MPI: variants seen among roughly 807,000 people sequenced by gnomAD.
MPI encodes the protein mannose-6-phosphate isomerase.
In MPI, 33 loss-of-function variants were observed where a neutral mutation model predicts 40.1. The ratio of observed to expected loss-of-function variants is 0.82; its 90% CI spans 0.62 to 1.10. MPI has a LOEUF of 1.10. Ranked by LOEUF, MPI falls within the 50% of genes least tolerant of loss-of-function variation. The pLI is 0.00. For missense variants in MPI, 514 were observed against 524.1 expected, an observed-to-expected ratio of 0.98 and a Z score of 0.19; for synonymous variants, 187 against 207.4, an observed-to-expected ratio of 0.90 and a Z score of 0.85.
intron 2 of MPI, 31 bp from the exon 3 acceptor site, chr15:74,891,348 C>A: frequency 1.9e-6 from 3 of 1,608,788 alleles, no homozygotes; most frequent in East Asian, 2.2e-5. Flanking sequence ...GTTTCTTCCC[C>A]CTTCCCCTCC....
chr15:74,893,503 T>C (rs1454509790), intron 5 of MPI, 183 bp downstream of exon 5: 9 of 702,202 alleles, frequency 1.3e-5, no homozygotes, highest in East Asian at 8.1e-5. Context: ...GGGCCCTTCT[T>C]AGTTGAGTGC....
At chr15:74,896,457 TG>T in intron 6 of MPI, 132 bp downstream of exon 6, 1 of 1,024,324 alleles carries the variant, frequency 9.8e-7, no homozygotes, top group South Asian at 1.3e-5. Flanking sequence ...TGAGGGTTCC[TG>T]GGCTCAGCAA....
Position 74,892,933 on chromosome 15 carries a change from G to C in MPI, c.487+131G>C, listed in dbSNP as rs139299174. The stretch of plus-strand genomic sequence containing the variant: ...GAAGGGCCTCATGAAGCAGTTTTTG[G>C]AGCCAGTGAGCCAGGCCAGTGAGAC... On this transcript the variant is annotated intron_variant, in intron 4 of 7. Transcript: ENST00000352410. 1.3e-3 allele frequency: 1,903 copies of C among 1,451,704 alleles called. 25 individuals carry two copies. The African/African-American group carries it at 0.024, about 18-fold the overall frequency. The allele number at this position is 1,451,704 out of a possible 1,614,324, so 89.9% of individuals were successfully genotyped here. A position where few individuals can be genotyped will look rare whatever the true frequency, so the allele number is the denominator to read the frequency against.
chr15:74,900,748 G>A lies in MPI; in HGVS notation c.*3018G>A, dbSNP rs1474090377. The A allele has an allele frequency of 2.6e-5, 4 of 152,364 alleles. No homozygotes were observed. Among genetic ancestry groups the A allele is most frequent in the Non-Finnish European group, 4.4e-5 (3 of 68,062 alleles). 9.4% of individuals were successfully genotyped at this position (152,364 alleles called of 1,614,324 possible). On this transcript the variant is annotated 3_prime_UTR_variant, in exon 8 of 8. Transcript: ENST00000352410. ...CTGCAGAGTCCCATTCCAGAACAGA[G>A]TAACCATCTGCCTCTCTTCCCAAGA... is the stretch of plus-strand genomic sequence containing the variant.
At chr15:74,893,865 C>T (rs2064762768) in intron 5 of MPI, 1 of 182,222 alleles carries the variant, frequency 5.5e-6, no homozygotes. Context: ...GAACAGACTC[C>T]CAGCAATGAG....
chr15:74,892,817 A>G lies in MPI; in HGVS notation c.487+15A>G. 6.2e-7 allele frequency: 1 copy of G among 1,614,254 alleles called. No homozygotes were observed. ...CTTTCTAAAGAGTAAGTTGGGCAGA[A>G]TGCTGAAGGCATGCGTACTGGGCCA... On this transcript the variant is annotated intron_variant, in intron 4 of 7. Coordinates refer to ENST00000352410, the MANE Select transcript of MPI (RefSeq NM_002435.3).
At chr15:74,895,174 A>C (rs1481944455) in intron 5 of MPI, among the ~76,000 whole-genome samples, 1 of 135,452 alleles carries the variant, frequency 7.4e-6, no homozygotes. Context: ...ATGGGGTTTC[A>C]CCATGTTGGT....
chr15:74,897,277 T>C, intron 7 of MPI, 58 bp downstream of exon 7: 1 of 1,589,778 alleles, frequency 6.3e-7, no homozygotes. Flanking sequence ...CTGGCAAGGG[T>C]CACGATGTGG....
At chr15:74,894,106 G>T (rs1309150334) in intron 5 of MPI, among the ~76,000 whole-genome samples, 888 of 59,014 alleles carry the variant, frequency 0.015, 194 homozygotes, top group Admixed American at 0.037. Flanking sequence ...GTGTGTGTGT[G>T]TGGTCTCTTT....
intron 6 of MPI, 101 bp downstream of exon 6, chr15:74,896,426 G>GGACGTTGCAGCTCT (rs1717202515): frequency 2.9e-6 from 4 of 1,373,254 alleles, no homozygotes; most frequent in Non-Finnish European, 4.1e-6. Context: ...AGACCCCCAA[G>GGACGTTGCAGCTCT]GACCTTGCAG....
Position 74,890,107 on chromosome 15 carries a change from G to T in MPI, c.16+18G>T, listed in dbSNP as rs757532607. On this transcript the variant is annotated intron_variant, in intron 1 of 7. Transcript: ENST00000352410. ...TCCGCGAGGTGAGCCATTGGCTGGG[G>T]TGTCGGCGAGTGTGTTCGTGGAGCG... is the stretch of plus-strand genomic sequence containing the variant. The T allele has an allele frequency of 1.9e-6, 3 of 1,607,760 alleles. No homozygotes were observed. The highest frequency in any genetic ancestry group is 2.5e-6 in the Non-Finnish European group (3 of 1,179,940).
intron 7 of MPI, 120 bp downstream of exon 7, chr15:74,897,339 C>T (rs924945465): frequency 9.6e-6 from 13 of 1,355,958 alleles, no homozygotes; most frequent in Non-Finnish European, 1.4e-5. Context: ...GAGGGTGGCC[C>T]CAGGGCCTGC....
chr15:74,891,329 G>C (rs556572314), intron 2 of MPI, 50 bp from the exon 3 acceptor site: 4 of 1,570,360 alleles, frequency 2.5e-6, no homozygotes, highest in African/African-American at 2.7e-5. Flanking sequence ...GGCCAACTCA[G>C]GGTGGCAGGT....
chr15:74,897,852 C>G lies in MPI; in HGVS notation c.*122C>G, dbSNP rs1056485420. The G allele has an allele frequency of 6.2e-6, 6 of 966,788 alleles. No homozygotes were observed. Among genetic ancestry groups the G allele is most frequent in the Non-Finnish European group, 8.1e-6 (5 of 619,334 alleles). The allele number at this position is 966,788 out of a possible 1,614,324, so 59.9% of individuals were successfully genotyped here. A position where few individuals can be genotyped will look rare whatever the true frequency, so the allele number is the denominator to read the frequency against. On this transcript the variant is annotated 3_prime_UTR_variant, in exon 8 of 8. Transcript: ENST00000352410. Reference sequence around the variant, plus strand: ...ACCCCTTAGGTATACCCTGGAAGAGCTGGGGTGGGGGAGGAGGGAGCGTGA... The same window carrying G: ...ACCCCTTAGGTATACCCTGGAAGAGGTGGGGTGGGGGAGGAGGGAGCGTGA...
rs2064972758 is a variant in MPI, at chr15:74,901,844, G to C, written c.*4114G>C. On this transcript the variant is annotated 3_prime_UTR_variant, in exon 8 of 8. Coordinates refer to ENST00000352410, the MANE Select transcript of MPI (RefSeq NM_002435.3). Reference sequence around the variant, plus strand: ...ACCTAATCTTTAGCTCAAAGACTGGGTGAAGAAACTCACCCAGACCAAGGA... The same window carrying C: ...ACCTAATCTTTAGCTCAAAGACTGGCTGAAGAAACTCACCCAGACCAAGGA... 1 of 344,182 alleles carries C rather than the reference G, an allele frequency of 2.9e-6. No individual in the cohort carries two copies. Among genetic ancestry groups the C allele is most frequent in the Admixed American group, 4.8e-5 (1 of 20,982 alleles). 21.3% of individuals were successfully genotyped at this position (344,182 alleles called of 1,614,324 possible). A position where few individuals can be genotyped will look rare whatever the true frequency, so the allele number is the denominator to read the frequency against.
chr15:74,892,514 C>T, intron 3 of MPI, 147 bp from the exon 4 acceptor site: 1 of 1,238,666 alleles, frequency 8.1e-7, no homozygotes, highest in Non-Finnish European at 1.1e-6. Flanking sequence ...CTGCAACATG[C>T]TTTGACTGGG....
chr15:74,892,430 C>T (rs1452457883), intron 3 of MPI, among the ~76,000 whole-genome samples: 1 of 152,206 alleles, frequency 6.6e-6, no homozygotes, highest in Admixed American at 6.5e-5. Context: ...TAAAGTCTGC[C>T]CCAGCTTTTC....
At chr15:74,890,998 T>C in intron 2 of MPI, 1 of 566,274 alleles carries the variant, frequency 1.8e-6, no homozygotes, top group Non-Finnish European at 3.3e-6. Flanking sequence ...AGCCAAAGCA[T>C]AGGAAGGCTT....
intron 2 of MPI, 105 bp downstream of exon 2, chr15:74,890,759 A>C: frequency 6.5e-7 from 1 of 1,532,376 alleles, no homozygotes. Flanking sequence ...GCAAGGAGGG[A>C]GGAGACCCAC....
Sources: gnomAD v4.1 joint callset for allele counts (sites outside exome capture counted in the v4.1 genomes callset) on GRCh38, gnomAD v4.1.1 for gene constraint, MANE v1.5 for transcripts, NCBI Gene and HGNC (gene_info 2026-07-23, HGNC 2026-07-21) for gene names.